Variants in ADPRS observed in about 807,000 individuals in gnomAD.
ADPRS encodes ADP-ribosylhydrolase ARH3.
ADPRS carries 25 observed loss-of-function variants against 32.1 expected under a neutral mutation model. That is an observed-to-expected ratio of 0.78 (90% CI 0.57 to 1.09). The LOEUF (loss-of-function observed/expected upper bound fraction) is 1.09. Among genes scored for constraint, ADPRS ranks in the 50% least tolerant of loss-of-function variants. The probability of loss-of-function intolerance (pLI) is 0.00; values close to 1 mark genes in which losing one functional copy is unlikely to be tolerated. For missense variants in ADPRS, 482 were observed against 480.6 expected (o/e 1.00, Z -0.03); for synonymous variants, 225 against 201.0 (o/e 1.12, Z -1.01).
chr1:36,091,721 C>G lies in ADPRS; in HGVS notation c.412C>G (p.Pro138Ala), dbSNP rs748076050. 1.9e-6 allele frequency: 3 copies of G among 1,613,878 alleles called. No individual in the cohort carries two copies. The highest frequency in any genetic ancestry group is 2.5e-6 in the Non-Finnish European group (3 of 1,179,928). The change falls in exon 3 of 6, where the codon CCT becomes GCT. Residue 138 changes from proline (P) to alanine (A), a missense_variant. Coordinates refer to ENST00000373178, the MANE Select transcript of ADPRS (RefSeq NM_017825.3). Reference protein sequence around the residue: ...LNPKCRDVFEPARAQFNGKGS... With the variant: ...LNPKCRDVFEAARAQFNGKGS... ...CCCCAAATGTCGCGATGTCTTTGAG[C>G]CTGCCCGGGCCCAGTTTAACGGGAA...
chr1:36,091,687 G>C lies in ADPRS; in HGVS notation c.378G>C (p.Lys126Asn). 1 of 1,613,858 alleles carries C rather than the reference G, an allele frequency of 6.2e-7. No homozygotes were observed. The highest frequency in any genetic ancestry group is 1.3e-5 in the African/African-American group (1 of 75,048). ...YGAGVVTVFK[K>N]LLNPKCRDVF... ...CTGGAGTAGTCACTGTCTTCAAGAA[G>C]CTCCTGAACCCCAAATGTCGCGATG... The change falls in exon 3 of 6, where the codon AAG becomes AAC. Residue 126 changes from lysine to asparagine, a missense_variant. Transcript: ENST00000373178.
At chr1:36,092,790 G>A (rs553956519) in intron 5 of ADPRS, among the ~76,000 whole-genome samples, 12 of 152,352 alleles carry the variant, frequency 7.9e-5, no homozygotes, top group South Asian at 6.2e-4. Context: ...TATACTGGGC[G>A]TTGTGCAGAA....
chr1:36,088,955 C>T lies in ADPRS; in HGVS notation c.51C>T (p.Ala17=), dbSNP rs762677305. ...CGGCAGGTGGAGGGGCTGGCGCGGC[C>T]CGCTCCCTCTCGCGCTTCCGAGGCT... ...AAAAGGGAGA[A]RSLSRFRGCL... The change falls in exon 1 of 6, where the codon GCC becomes GCT. Residue 17 remains alanine (A), a synonymous_variant. Coordinates refer to ENST00000373178, the MANE Select transcript of ADPRS (RefSeq NM_017825.3). 2.6e-6 allele frequency: 4 copies of T among 1,512,024 alleles called. No homozygotes were observed. In the Admixed American group the frequency reaches 6.5e-5, roughly 25 times the overall value. 93.7% of individuals were successfully genotyped at this position (1,512,024 alleles called of 1,614,324 possible).
At position 36,091,259 on chromosome 1, in the gene ADPRS, C is replaced by T; in HGVS notation, c.227C>T (p.Thr76Ile). ...GSERTEALYY[T>I]DDTAMARALV... is the part of the protein sequence containing the mutation. ...CTCCCCACAGAAGCCTTGTACTACA[C>T]AGATGACACAGCCATGGCCAGGGCC... is the stretch of plus-strand genomic sequence containing the variant. The change falls in exon 2 of 6, where the codon ACA becomes ATA. Residue 76 changes from threonine to isoleucine, a missense_variant. Transcript: ENST00000373178. 2.5e-6 allele frequency: 4 copies of T among 1,614,198 alleles called. No homozygotes were observed. The highest frequency in any genetic ancestry group is 3.4e-6 in the Non-Finnish European group (4 of 1,180,026).
intron 5 of ADPRS, among the ~76,000 whole-genome samples, 178 bp downstream of exon 5, chr1:36,092,700 T>A (rs538176768): frequency 1.3e-5 from 2 of 152,356 alleles, no homozygotes; most frequent in South Asian, 4.1e-4. Context: ...ACCCTCAGCC[T>A]TGTGGACCAG....
rs113650465 is a variant in ADPRS at position 36,089,551 on chromosome 1, C to T, written c.211+436C>T. Reference sequence around the variant, plus strand: ...GTCGGGGACTGTCTGTCCACCCTTGCCGACTTGACCTCTTTTTCCCGGTTC... The same window carrying T: ...GTCGGGGACTGTCTGTCCACCCTTGTCGACTTGACCTCTTTTTCCCGGTTC... On this transcript the variant is annotated intron_variant, in intron 1 of 5. Coordinates refer to ENST00000373178, the MANE Select transcript of ADPRS (RefSeq NM_017825.3). Among the ~76,000 whole-genome samples, 213 of 152,298 alleles carry T rather than the reference C, an allele frequency of 1.4e-3. 3 individuals are homozygous for T. Among genetic ancestry groups the T allele is most frequent in the African/African-American group, 4.5e-3 (189 of 41,570 alleles).
At position 36,089,096 on chromosome 1, in the gene ADPRS, G is replaced by A. The variant is rs1033704731; in HGVS notation, c.192G>A (p.Thr64=). The A allele has an allele frequency of 2.2e-5, 31 of 1,425,742 alleles. No individual in the cohort carries two copies. Among genetic ancestry groups the A allele is most frequent in the South Asian group, 1.1e-4 (7 of 64,946 alleles). The allele number at this position is 1,425,742 out of a possible 1,614,324, so 88.3% of individuals were successfully genotyped here. Residue 64 remains threonine, a synonymous_variant, in exon 1 of 6, where the codon ACG becomes ACA. Coordinates refer to ENST00000373178, the MANE Select transcript of ADPRS (RefSeq NM_017825.3). ...AGAGTCTGGAGCCGGACCCCGGCAC[G>A]CCCGGGAGTGAGCGGACAGGTGGGC... The part of the protein sequence containing the change: ...HVQSLEPDPG[T]PGSERTEALY...
Position 36,093,798 on chromosome 1 carries a change from G to T in ADPRS, c.*412G>T, listed in dbSNP as rs375562901. The T allele has an allele frequency of 1.1e-4, 19 of 174,986 alleles. No homozygotes were observed. In the East Asian group the frequency reaches 1.2e-3, roughly 11 times the overall value. 10.8% of individuals were successfully genotyped at this position (174,986 alleles called of 1,614,324 possible). A position where few individuals can be genotyped will look rare whatever the true frequency, so the allele number is the denominator to read the frequency against. ...GCAAGCGCATCCTAGCAGGGTCCCC[G>T]AGCAGCAGGTTGTGTGGATGAAGGG... On this transcript the variant is annotated 3_prime_UTR_variant, in exon 6 of 6. Transcript: ENST00000373178.
chr1:36,093,303 G>C lies in ADPRS; in HGVS notation c.1009G>C (p.Glu337Gln), dbSNP rs1451949007. 8 of 1,614,138 alleles carry C rather than the reference G, an allele frequency of 5.0e-6. No individual in the cohort carries two copies. The highest frequency in any genetic ancestry group is 6.8e-6 in the Non-Finnish European group (8 of 1,180,062). ...GAYYGMDQVP[E>Q]SWQQSCEGYE... ...CTACTATGGGATGGATCAGGTGCCA[G>C]AGAGCTGGCAGCAAAGCTGTGAAGG... The change falls in exon 6 of 6, where the codon GAG becomes CAG. Residue 337 changes from glutamate (E) to glutamine (Q), a missense_variant. By Grantham distance (29) the Glu-to-Gln change is conservative. Transcript: ENST00000373178.
chr1:36,091,947 C>T lies in ADPRS; in HGVS notation c.554C>T (p.Ser185Phe), dbSNP rs745628646. ...TCGGCCCAGCTGACACACGCCTCCT[C>T]CCTGGGTTACAATGGCGCCATCCTG... is the stretch of plus-strand genomic sequence containing the variant. The part of the protein sequence containing the change: ...RLSAQLTHAS[S>F]LGYNGAILQA... Residue 185 changes from serine to phenylalanine, a missense_variant, in exon 4 of 6, where the codon TCC (serine) becomes TTC (phenylalanine). Transcript: ENST00000373178. The T allele has an allele frequency of 6.8e-6, 11 of 1,611,616 alleles. No individual in the cohort carries two copies. The highest frequency in any genetic ancestry group is 3.3e-5 in the Admixed American group (2 of 59,840).
chr1:36,090,679 CAAAAAAAAAAA>C lies in ADPRS; in HGVS notation c.212-549_212-539del, dbSNP rs10625386. 4.7e-4 allele frequency among the ~76,000 whole-genome samples: 31 copies of C among 65,360 alleles called. 2 individuals are homozygous for C. Among genetic ancestry groups the C allele is most frequent in the South Asian group, 8.2e-4 (1 of 1,218 alleles). 42.9% of individuals were successfully genotyped at this position (65,360 alleles called of 152,430 possible). A position where few individuals can be genotyped will look rare whatever the true frequency, so the allele number is the denominator to read the frequency against. On this transcript the variant is annotated intron_variant, in intron 1 of 5. Transcript: ENST00000373178. Reference sequence around the variant, plus strand: ...GCAACAGGATGAAACTCCATCTCTACAAAAAAAAAAAAAAAAAAAAAAAAAAGCCAGGCGCA... The same window carrying C: ...GCAACAGGATGAAACTCCATCTCTACAAAAAAAAAAAAAAAGCCAGGCGCA...
In ADPRS at chr1:36,089,449, A is replaced by G. The variant is rs1440418793; in HGVS notation, c.211+334A>G. Among the ~76,000 whole-genome samples the G allele has an allele frequency of 2.6e-5, 4 of 152,230 alleles. No individual in the cohort carries two copies. In the East Asian group the frequency reaches 5.8e-4, roughly 22 times the overall value. On this transcript the variant is annotated intron_variant, in intron 1 of 5. Coordinates refer to ENST00000373178, the MANE Select transcript of ADPRS (RefSeq NM_017825.3). ...GACCGTTTTATCTGGACGCAGCCCC[A>G]TCGGACGTCGAGGAGCCTATGAATG...
intron 1 of ADPRS, among the ~76,000 whole-genome samples, chr1:36,090,332 C>A (rs1462143536): frequency 6.6e-6 from 1 of 152,104 alleles, no homozygotes; most frequent in African/African-American, 2.4e-5. Context: ...AAGACTGGAG[C>A]TGCAAGGATG....
intron 1 of ADPRS, 34 bp from the exon 2 acceptor site, chr1:36,091,210 C>T (rs1168954102): frequency 1.3e-6 from 2 of 1,550,842 alleles, no homozygotes; most frequent in Admixed American, 1.7e-5. Flanking sequence ...CAAAGGTGAG[C>T]AGGAGGCTCT....
At chr1:36,091,505 G>C (rs923149943) in intron 2 of ADPRS, 113 bp from the exon 3 acceptor site, 1 of 1,222,680 alleles carries the variant, frequency 8.2e-7, no homozygotes, top group African/African-American at 1.5e-5. Context: ...GCTGGTGCAG[G>C]CTCCTTAGGC....
chr1:36,092,175 T>G, intron 4 of ADPRS, 81 bp downstream of exon 4: 1 of 1,505,384 alleles, frequency 6.6e-7, no homozygotes, highest in African/African-American at 1.4e-5. Context: ...ACTGTAAACC[T>G]TCCTCAATTG....
At chr1:36,092,845 C>T (rs1322708127) in intron 5 of ADPRS, among the ~76,000 whole-genome samples, 1 of 152,240 alleles carries the variant, frequency 6.6e-6, no homozygotes, top group African/African-American at 2.4e-5. Context: ...ACAGCCCTGT[C>T]AGAGAGTTGC....
chr1:36,089,196 G>A, intron 1 of ADPRS, 81 bp downstream of exon 1: 1 of 1,349,454 alleles, frequency 7.4e-7, no homozygotes, highest in Non-Finnish European at 9.5e-7. Context: ...CGACGGGTCG[G>A]GGGTGCGCGG....
chr1:36,092,215 C>A (rs1643494167), intron 4 of ADPRS, 121 bp downstream of exon 4: 1 of 1,360,586 alleles, frequency 7.3e-7, no homozygotes. Flanking sequence ...GGCAGAAGCC[C>A]CTTTATCTTG....
Sources: gnomAD v4.1 joint callset for allele counts (sites outside exome capture counted in the v4.1 genomes callset) on GRCh38, gnomAD v4.1.1 for gene constraint, MANE v1.5 for transcripts, NCBI Gene and HGNC (gene_info 2026-07-23, HGNC 2026-07-21) for gene names.